Variants in PCDH9 observed in about 807,000 individuals in gnomAD.
PCDH9 encodes protocadherin-9.
A neutral mutation model predicts 70.6 loss-of-function variants in PCDH9; 24 were observed. The observed-to-expected ratio is 0.34, with a 90% CI of 0.25 to 0.48. PCDH9 has a LOEUF of 0.48. Ranked by LOEUF, PCDH9 falls within the 20% of genes least tolerant of loss-of-function variation. The pLI, the probability that PCDH9 is intolerant of heterozygous loss-of-function variation, is 0.99. For synonymous variants in PCDH9, 562 were observed against 558.5 expected, an observed-to-expected ratio of 1.01 and a Z score of -0.09; for missense variants, 1,281 against 1,503.6, an observed-to-expected ratio of 0.85 and a Z score of 2.45.
At chr13:66,540,835 T>C (rs1240722348) in intron 4 of PCDH9, among the ~76,000 whole-genome samples, 3 of 152,188 alleles carry the variant, frequency 2.0e-5, no homozygotes, top group Non-Finnish European at 2.9e-5. Context: ...TGGGTTATTG[T>C]TTTTATTTAA....
At position 66,306,400 on chromosome 13, in the gene PCDH9, T is replaced by A. The variant is rs540931901; in HGVS notation, c.3341-1372A>T. On this transcript the variant is annotated intron_variant, in intron 4 of 4. Transcript: ENST00000377865. ...CAGAGACAGCAAACCACAGGCAACA[T>A]CAAAATAGATACAGAATGTAGTTTT... 8.7e-5 allele frequency: 13 copies of A among 149,726 alleles called. No homozygotes were observed. In the South Asian group the frequency reaches 2.7e-3, roughly 32 times the overall value. 9.3% of individuals were successfully genotyped at this position (149,726 alleles called of 1,614,324 possible).
rs146701513 is a variant in PCDH9, at chr13:66,744,253, T to C, written c.3139-112842A>G. Among the ~76,000 whole-genome samples, 38 of 152,266 alleles carry C rather than the reference T, an allele frequency of 2.5e-4. No individual in the cohort carries two copies. In the East Asian group the frequency reaches 6.7e-3, roughly 27 times the overall value. ...CAATTCACATATCCCTGGAGAAAGA[T>C]ACTTTATGACCAGATGAAGATTAAA... On this transcript the variant is annotated intron_variant, in intron 3 of 4. Coordinates refer to ENST00000377865, the MANE Select transcript of PCDH9 (RefSeq NM_203487.3).
chr13:67,132,347 T>C (rs1018740194), intron 2 of PCDH9, among the ~76,000 whole-genome samples: 2 of 152,120 alleles, frequency 1.3e-5, no homozygotes, highest in African/African-American at 2.4e-5. Flanking sequence ...CACCTGCATC[T>C]TCCCCCATGC....
chr13:67,116,568 T>A (rs1444174237), intron 2 of PCDH9, among the ~76,000 whole-genome samples: 1 of 152,080 alleles, frequency 6.6e-6, no homozygotes, highest in African/African-American at 2.4e-5. Context: ...TAAAAAAAAA[T>A]TTCTTGGGTT....
chr13:66,984,059 TTA>T (rs2083836747), intron 2 of PCDH9, among the ~76,000 whole-genome samples: 1 of 152,026 alleles, frequency 6.6e-6, no homozygotes, highest in Non-Finnish European at 1.5e-5. Flanking sequence ...CTGCTATAAT[TTA>T]TATATCTTTT....
chr13:66,980,116 C>G (rs981168239), intron 2 of PCDH9, among the ~76,000 whole-genome samples: 2 of 151,826 alleles, frequency 1.3e-5, no homozygotes, highest in Admixed American at 1.3e-4. Context: ...ATCTATCTAT[C>G]TATCTATCTA....
At chr13:66,791,159 CAA>C (rs1233305744) in intron 3 of PCDH9, among the ~76,000 whole-genome samples, 1 of 152,016 alleles carries the variant, frequency 6.6e-6, no homozygotes, top group Non-Finnish European at 1.5e-5. Flanking sequence ...TGTAATAATG[CAA>C]GAGTGATCCT....
chr13:66,804,546 G>T (rs1167872984), intron 3 of PCDH9, among the ~76,000 whole-genome samples: 1 of 152,116 alleles, frequency 6.6e-6, no homozygotes, highest in African/African-American at 2.4e-5. Flanking sequence ...GAGAAGCAGG[G>T]TCAATAAACA....
chr13:66,487,451 T>C (rs921067727), intron 4 of PCDH9, among the ~76,000 whole-genome samples: 1 of 152,198 alleles, frequency 6.6e-6, no homozygotes, highest in African/African-American at 2.4e-5. Flanking sequence ...TTCTTTCTTA[T>C]GGATTTTTTA....
At chr13:67,110,122 T>C (rs2086625546) in intron 2 of PCDH9, among the ~76,000 whole-genome samples, 1 of 152,018 alleles carries the variant, frequency 6.6e-6, no homozygotes, top group African/African-American at 2.4e-5. Context: ...TAAGCTGACA[T>C]TTTTAAAAAG....
intron 4 of PCDH9, among the ~76,000 whole-genome samples, chr13:66,451,514 G>T (rs1466828156): frequency 6.6e-6 from 1 of 152,018 alleles, no homozygotes; most frequent in African/African-American, 2.4e-5. Context: ...TATTTTCAAA[G>T]CTACTATGAA....
At chr13:66,906,302 C>T (rs2082358867) in intron 2 of PCDH9, among the ~76,000 whole-genome samples, 1 of 152,132 alleles carries the variant, frequency 6.6e-6, no homozygotes, top group Admixed American at 6.6e-5. Context: ...CATGAATTCT[C>T]ATGAGCCATG....
chr13:66,336,340 T>C (rs1290355761), intron 4 of PCDH9, among the ~76,000 whole-genome samples: 1 of 151,944 alleles, frequency 6.6e-6, no homozygotes, highest in African/African-American at 2.4e-5. Flanking sequence ...GTGGGTAAGA[T>C]TTGGTGCTAA....
At chr13:66,325,561 C>A (rs987363781) in intron 4 of PCDH9, among the ~76,000 whole-genome samples, 2 of 152,022 alleles carry the variant, frequency 1.3e-5, no homozygotes, top group African/African-American at 4.8e-5. Context: ...AGTAAGCCAG[C>A]CTTCAGAGAG....
intron 3 of PCDH9, among the ~76,000 whole-genome samples, chr13:66,698,958 A>G (rs561865825): frequency 1.5e-3 from 197 of 131,222 alleles, no homozygotes; most frequent in African/African-American, 5.4e-3. Context: ...TCTGTCGTCC[A>G]GGCTGGAGTG....
intron 3 of PCDH9, among the ~76,000 whole-genome samples, chr13:66,842,562 AT>A (rs1344191407): frequency 1.3e-5 from 2 of 152,248 alleles, no homozygotes; most frequent in East Asian, 3.9e-4. Context: ...TTTTCCTCAT[AT>A]TATAGAAATA....
chr13:67,093,120 A>G (rs939671238), intron 2 of PCDH9, among the ~76,000 whole-genome samples: 1 of 152,202 alleles, frequency 6.6e-6, no homozygotes, highest in African/African-American at 2.4e-5. Context: ...GTTTAATTAT[A>G]TTAGTTAATA....
intron 3 of PCDH9, among the ~76,000 whole-genome samples, chr13:66,841,308 T>C (rs562462902): frequency 6.6e-6 from 1 of 152,316 alleles, no homozygotes; most frequent in South Asian, 2.1e-4. Context: ...AAATCAGGGA[T>C]CGTTCTACTA....
At chr13:66,853,754 TTC>T (rs1491507009) in intron 3 of PCDH9, among the ~76,000 whole-genome samples, 9 of 149,024 alleles carry the variant, frequency 6.0e-5, no homozygotes, top group Non-Finnish European at 3.0e-5. Flanking sequence ...CTTTTTTTTT[TTC>T]AGGAGACAGG....
Sources: allele counts gnomAD v4.1 joint callset (sites outside exome capture counted in the v4.1 genomes callset), GRCh38; gene constraint gnomAD v4.1.1; transcripts MANE v1.5; gene names NCBI Gene and HGNC (gene_info 2026-07-23, HGNC 2026-07-21).